TNR: variants seen among roughly 807,000 people sequenced by gnomAD.
The protein encoded by TNR is tenascin R.
In TNR, 45 loss-of-function variants were observed where a neutral mutation model predicts 150.4. The ratio of observed to expected loss-of-function variants is 0.30; its 90% CI spans 0.24 to 0.38. The LOEUF (loss-of-function observed/expected upper bound fraction) is 0.38, where lower values mean the gene tolerates loss of function less well. Ranked by LOEUF, TNR falls within the 10% of genes least tolerant of loss-of-function variation. The probability of loss-of-function intolerance (pLI) is 1.00; values close to 1 mark genes in which losing one functional copy is unlikely to be tolerated. For missense variants in TNR, 1,544 were observed against 1,759.1 expected, an observed-to-expected ratio of 0.88 and a Z score of 2.19; for synonymous variants, 687 against 678.4, an observed-to-expected ratio of 1.01 and a Z score of -0.20.
chr1:175,672,950 A>G (rs1406830979), intron 1 of TNR, among the ~76,000 whole-genome samples: 2 of 152,124 alleles, frequency 1.3e-5, no homozygotes, highest in African/African-American at 4.8e-5. Context: ...CTGCTTGGAA[A>G]TGCCCTGCCA....
At chr1:175,484,203 C>T (rs537897636) in intron 2 of TNR, among the ~76,000 whole-genome samples, 1 of 152,212 alleles carries the variant, frequency 6.6e-6, no homozygotes, top group Non-Finnish European at 1.5e-5. Context: ...AAAACCATCT[C>T]TATGCTAATT....
chr1:175,642,571 G>C (rs934396667), intron 1 of TNR, among the ~76,000 whole-genome samples: 1 of 152,290 alleles, frequency 6.6e-6, no homozygotes, highest in South Asian at 2.1e-4. Flanking sequence ...CCAGGATGCG[G>C]TGCAAGGATT....
At position 175,459,812 on chromosome 1, in the gene TNR, G is replaced by A. The variant is rs576718078; in HGVS notation, c.-63-53035C>T. On this transcript the variant is annotated intron_variant, in intron 2 of 22. Coordinates refer to ENST00000367674, the MANE Select transcript of TNR (RefSeq NM_003285.3). ...CCTAGCCAGCAATACTGCCACATGA[G>A]TAATGCCCGGAAAGATTCTATAAAT... is the stretch of plus-strand genomic sequence containing the variant. Among the ~76,000 whole-genome samples the A allele has an allele frequency of 2.0e-5, 3 of 152,240 alleles. No homozygotes were observed. In the South Asian group the frequency reaches 6.2e-4, roughly 32 times the overall value.
At chr1:175,691,131 C>A (rs1244937511) in intron 1 of TNR, among the ~76,000 whole-genome samples, 2 of 147,714 alleles carry the variant, frequency 1.4e-5, no homozygotes, top group Admixed American at 1.4e-4. Flanking sequence ...GGACAGCATG[C>A]AGCTGAGAAG....
chr1:175,711,044 G>A (rs904672063), intron 1 of TNR, among the ~76,000 whole-genome samples: 4 of 152,146 alleles, frequency 2.6e-5, no homozygotes, highest in African/African-American at 9.7e-5. Context: ...CATGATGTGT[G>A]AAATAAGAGG....
chr1:175,469,485 C>T (rs1298537420), intron 2 of TNR, among the ~76,000 whole-genome samples: 1 of 151,898 alleles, frequency 6.6e-6, no homozygotes, highest in African/African-American at 2.4e-5. Flanking sequence ...GAACTGGACC[C>T]TAAAGAATAA....
intron 1 of TNR, among the ~76,000 whole-genome samples, chr1:175,532,692 G>A (rs971918598): frequency 1.3e-5 from 2 of 152,152 alleles, no homozygotes; most frequent in Non-Finnish European, 2.9e-5. Context: ...GGTCTCTCAC[G>A]AGGTTTCAGT....
At chr1:175,726,163 T>A (rs945024510) in intron 1 of TNR, among the ~76,000 whole-genome samples, 4 of 152,176 alleles carry the variant, frequency 2.6e-5, no homozygotes, top group South Asian at 4.1e-4. Flanking sequence ...TATGCTAAAG[T>A]ACCAGTCCTC....
At chr1:175,335,402 G>A (rs905307563) in intron 20 of TNR, 4 of 260,902 alleles carry the variant, frequency 1.5e-5, no homozygotes, top group African/African-American at 8.8e-5. Context: ...CAGGCAGCCT[G>A]TTGCTCCCTG....
intron 8 of TNR, among the ~76,000 whole-genome samples, chr1:175,383,041 G>A (rs530187952): frequency 5.3e-5 from 8 of 152,126 alleles, no homozygotes; most frequent in Non-Finnish European, 8.8e-5. Flanking sequence ...GATCTTTGGC[G>A]TTTCTTGGCT....
intron 1 of TNR, among the ~76,000 whole-genome samples, chr1:175,672,752 G>C (rs1345983521): frequency 2.0e-5 from 3 of 152,208 alleles, no homozygotes; most frequent in Non-Finnish European, 1.5e-5. Flanking sequence ...GTGCTGAGGA[G>C]GAGGAAGCAG....
At chr1:175,551,269 C>T (rs1047348171) in intron 1 of TNR, among the ~76,000 whole-genome samples, 1 of 152,108 alleles carries the variant, frequency 6.6e-6, no homozygotes, top group Admixed American at 6.5e-5. Context: ...CAATTTTCAG[C>T]ATAATGATAT....
At chr1:175,559,006 G>A (rs1402521416) in intron 1 of TNR, among the ~76,000 whole-genome samples, 1 of 152,190 alleles carries the variant, frequency 6.6e-6, no homozygotes, top group South Asian at 2.1e-4. Context: ...GGAAGGTTGT[G>A]CGTGTGTTGG....
At chr1:175,560,856 G>T (rs560190857) in intron 1 of TNR, among the ~76,000 whole-genome samples, 10 of 152,280 alleles carry the variant, frequency 6.6e-5, no homozygotes, top group African/African-American at 2.4e-4. Context: ...TAAAGCCTCT[G>T]GGTGACCACT....
chr1:175,711,812 A>C (rs1246526588), intron 1 of TNR, among the ~76,000 whole-genome samples: 1 of 152,186 alleles, frequency 6.6e-6, no homozygotes, highest in Non-Finnish European at 1.5e-5. Context: ...CCTGGGAGGA[A>C]GGGATTGTTA....
At chr1:175,506,398 C>G (rs1267476143) in intron 2 of TNR, among the ~76,000 whole-genome samples, 1 of 152,182 alleles carries the variant, frequency 6.6e-6, no homozygotes, top group East Asian at 1.9e-4. Context: ...CGTGTCCCCC[C>G]AGATTCATAT....
chr1:175,667,034 T>G (rs1021544604), intron 1 of TNR, among the ~76,000 whole-genome samples: 3 of 152,216 alleles, frequency 2.0e-5, no homozygotes, highest in Non-Finnish European at 4.4e-5. Flanking sequence ...ATTATAGGAA[T>G]GAGCCACCAT....
At chr1:175,640,192 C>G (rs1664611859) in intron 1 of TNR, among the ~76,000 whole-genome samples, 1 of 152,208 alleles carries the variant, frequency 6.6e-6, no homozygotes, top group Non-Finnish European at 1.5e-5. Flanking sequence ...TGTATGCCTT[C>G]TACACAGCTT....
chr1:175,406,242 T>C lies in TNR; in HGVS notation c.473A>G (p.Asn158Ser). Residue 158 changes from asparagine (N) to serine (S), a missense_variant, in exon 3 of 23, where the codon AAC becomes AGC. Physicochemically the swap from Asn to Ser is conservative, Grantham distance 46. This residue lies in a region of TNR where 1,254 missense variants were observed against 1,329.4 expected (regional missense o/e 0.94). Coordinates refer to ENST00000367674, the MANE Select transcript of TNR (RefSeq NM_003285.3). ...TGTGGCAGCACTTTCTTGGCAGCAG[T>C]TGGCGTTGCACTGGTCTCGCAGCAC... The part of the protein sequence containing the change: ...VSVLRDQCNA[N>S]CCQESAATGQ... 6.2e-7 allele frequency: 1 copy of C among 1,614,080 alleles called. No homozygotes were observed. The highest frequency in any genetic ancestry group is 8.5e-7 in the Non-Finnish European group (1 of 1,179,976).
Sources: allele counts gnomAD v4.1 joint callset (sites outside exome capture counted in the v4.1 genomes callset), GRCh38; gene constraint gnomAD v4.1.1; regional missense constraint gnomAD v4.1.1; transcripts MANE v1.5; gene names NCBI Gene and HGNC (gene_info 2026-07-23, HGNC 2026-07-21).